The following FOXP2 variants were observed in gnomAD, a reference collection of about 807,000 sequenced individuals.
FOXP2 encodes forkhead box protein P2.
A neutral mutation model predicts 115.8 loss-of-function variants in FOXP2; 12 were observed. That is an observed-to-expected ratio of 0.10 (90% confidence interval 0.07 to 0.17). The LOEUF (loss-of-function observed/expected upper bound fraction) is 0.17. FOXP2 is among the 10% of genes least tolerant of loss of function. The pLI is 1.00. For synonymous variants in FOXP2, 328 were observed against 297.7 expected, an observed-to-expected ratio of 1.10 and a Z score of -1.05; for missense variants, 629 against 843.5, an observed-to-expected ratio of 0.75 and a Z score of 3.15.
At chr7:114,256,057 G>C (rs1292924289) in intron 1 of FOXP2, among the ~76,000 whole-genome samples, 1 of 152,120 alleles carries the variant, frequency 6.6e-6, no homozygotes, top group Non-Finnish European at 1.5e-5. Flanking sequence ...GCAGGCTCTT[G>C]TTTCTTCACT....
chr7:114,185,574 G>T (rs547358378), intron 1 of FOXP2, among the ~76,000 whole-genome samples: 2 of 152,280 alleles, frequency 1.3e-5, no homozygotes, highest in South Asian at 4.1e-4. Flanking sequence ...GTATCACAGA[G>T]TGAAATGTCC....
At chr7:114,260,778 T>C (rs1483807629) in intron 1 of FOXP2, among the ~76,000 whole-genome samples, 1 of 152,112 alleles carries the variant, frequency 6.6e-6, no homozygotes, top group African/African-American at 2.4e-5. Flanking sequence ...TTAAATAAAT[T>C]ATCAGATCCA....
In FOXP2 at chr7:114,365,476, A is replaced by G. The variant is rs531328644; in HGVS notation, c.-10-61026A>G. 2.0e-4 allele frequency among the ~76,000 whole-genome samples: 30 copies of G among 152,204 alleles called. 1 individual carries two copies. In the South Asian group the frequency reaches 6.2e-3, roughly 32 times the overall value. On this transcript the variant is annotated intron_variant, in intron 2 of 17. Transcript: ENST00000634411. The stretch of plus-strand genomic sequence containing the variant: ...AATATAAATGTTAAAACTGAGCACC[A>G]CTATTGGTAAGGAAATCTGAGAGCC...
Position 114,509,090 on chromosome 7 carries a change from G to A in FOXP2, c.169-25527G>A, listed in dbSNP as rs191668534. ...TGGAAGTGTGCTTTCTCTATTTGAG[G>A]TTTAGCAAGGATACCAGTGTGTCTG... On this transcript the variant is annotated intron_variant, in intron 2 of 16. Transcript: ENST00000350908. Among the ~76,000 whole-genome samples the A allele has an allele frequency of 1.7e-4, 26 of 152,158 alleles. No homozygotes were observed. The East Asian group carries it at 4.8e-3, about 28-fold the overall frequency.
chr7:114,638,454 C>G (rs1268186419), intron 6 of FOXP2, among the ~76,000 whole-genome samples: 1 of 152,050 alleles, frequency 6.6e-6, no homozygotes, highest in African/African-American at 2.4e-5. Flanking sequence ...CAAGAATAAC[C>G]TAGATTAATC....
intron 3 of FOXP2, among the ~76,000 whole-genome samples, chr7:114,557,227 C>T (rs1173529383): frequency 1.3e-5 from 2 of 152,138 alleles, no homozygotes; most frequent in African/African-American, 4.8e-5. Flanking sequence ...TATAGACTTA[C>T]TCAGAGATTG....
At chr7:114,161,321 TC>T (rs1354323795), upstream of FOXP2, among the ~76,000 whole-genome samples, 1 of 152,202 alleles carries the variant, frequency 6.6e-6, no homozygotes, top group Admixed American at 6.5e-5. Context: ...TGTTTTTATT[TC>T]ACCTTGAAAT....
intron 1 of FOXP2, among the ~76,000 whole-genome samples, chr7:114,203,528 G>C (rs957407413): frequency 6.6e-6 from 1 of 151,808 alleles, no homozygotes; most frequent in South Asian, 2.1e-4. Flanking sequence ...TATTTTTGTA[G>C]ACACAGGGCT....
intron 2 of FOXP2, among the ~76,000 whole-genome samples, chr7:114,437,251 C>T (rs1794395357): frequency 6.6e-6 from 1 of 151,728 alleles, no homozygotes; most frequent in Non-Finnish European, 1.5e-5. Flanking sequence ...TTTTCATGCA[C>T]CTTTTCCAAA....
intron 2 of FOXP2, among the ~76,000 whole-genome samples, chr7:114,346,909 G>T (rs958493791): frequency 4.0e-5 from 6 of 151,648 alleles, no homozygotes; most frequent in African/African-American, 1.5e-4. Context: ...GCTTTTGAAG[G>T]TTCTCACCAG....
upstream of FOXP2, chr7:114,414,166 C>T (rs910565060): frequency 1.3e-5 from 2 of 152,142 alleles, no homozygotes; most frequent in African/African-American, 4.8e-5. Flanking sequence ...TACCATTTCT[C>T]TTCCTTTCAT....
chr7:114,458,546 CTTTTTTTTTTT>C (rs1177402028), intron 2 of FOXP2, among the ~76,000 whole-genome samples: 1 of 113,420 alleles, frequency 8.8e-6, no homozygotes, highest in Non-Finnish European at 1.8e-5. Flanking sequence ...ATTTTCTTTT[CTTTTTTTTTTT>C]TTTTTTTTGA....
At chr7:114,218,036 A>C (rs1240940349) in intron 1 of FOXP2, among the ~76,000 whole-genome samples, 6 of 152,098 alleles carry the variant, frequency 3.9e-5, no homozygotes, top group African/African-American at 1.4e-4. Flanking sequence ...CTTTGTACAC[A>C]TGTGATACCT....
chr7:114,217,332 C>T (rs963980887), intron 1 of FOXP2, among the ~76,000 whole-genome samples: 4 of 152,190 alleles, frequency 2.6e-5, no homozygotes, highest in Non-Finnish European at 5.9e-5. Flanking sequence ...GTTAACTTCT[C>T]GGTTTAAATT....
chr7:114,444,160 T>G (rs1172832229), intron 2 of FOXP2, among the ~76,000 whole-genome samples: 2 of 152,150 alleles, frequency 1.3e-5, no homozygotes, highest in African/African-American at 2.4e-5. Flanking sequence ...TAAATGCAAG[T>G]GATTAGTGAT....
intron 2 of FOXP2, among the ~76,000 whole-genome samples, chr7:114,479,813 A>G (rs893977607): frequency 2.0e-5 from 3 of 151,530 alleles, no homozygotes; most frequent in East Asian, 1.9e-4. Flanking sequence ...GTCTTAATAT[A>G]GGTTACCGCA....
chr7:114,168,664 T>C (rs1793048394), intron 1 of FOXP2, among the ~76,000 whole-genome samples: 1 of 152,136 alleles, frequency 6.6e-6, no homozygotes, highest in South Asian at 2.1e-4. Flanking sequence ...GAGGAGAAAT[T>C]CAAGCCTACT....
chr7:114,393,303 TC>T (rs1792654245), intron 2 of FOXP2, among the ~76,000 whole-genome samples: 1 of 151,976 alleles, frequency 6.6e-6, no homozygotes, highest in African/African-American at 2.4e-5. Context: ...TTTTCCCTTC[TC>T]TTTTTGAGCA....
intron 2 of FOXP2, among the ~76,000 whole-genome samples, chr7:114,366,341 G>C (rs1791881502): frequency 6.6e-6 from 1 of 152,104 alleles, no homozygotes; most frequent in Non-Finnish European, 1.5e-5. Context: ...TTTTCCCCTT[G>C]TGTGTTCTAA....
Sources: gnomAD v4.1 joint callset for allele counts (sites outside exome capture counted in the v4.1 genomes callset) on GRCh38, gnomAD v4.1.1 for gene constraint, MANE v1.5 for transcripts, NCBI Gene and HGNC (gene_info 2026-07-23, HGNC 2026-07-21) for gene names.